The following SLC39A12 variants were observed in gnomAD, a reference collection of about 807,000 sequenced individuals.
SLC39A12 encodes the protein zinc transporter ZIP12.
Under a neutral mutation model 71.1 loss-of-function variants are expected in SLC39A12, and 63 were observed. The observed-to-expected ratio is 0.89, with a 90% confidence interval of 0.72 to 1.09. The LOEUF is 1.09. Among genes scored for constraint, SLC39A12 ranks in the 50% least tolerant of loss-of-function variants. The pLI, the probability that SLC39A12 is intolerant of heterozygous loss-of-function variation, is 0.00. For synonymous variants in SLC39A12, 351 were observed against 301.3 expected (o/e 1.16, Z -1.71); for missense variants, 892 against 812.6 (o/e 1.10, Z -1.19).
intron 5 of SLC39A12, among the ~76,000 whole-genome samples, chr10:17,979,835 G>T (rs1028057125): frequency 6.6e-6 from 1 of 152,132 alleles, no homozygotes; most frequent in African/African-American, 2.4e-5. Context: ...ACCATCTGTG[G>T]CTTTGCTGAA....
intron 12 of SLC39A12, among the ~76,000 whole-genome samples, chr10:18,017,180 T>C (rs554016472): frequency 1.3e-5 from 2 of 152,324 alleles, no homozygotes; most frequent in Non-Finnish European, 2.9e-5. Context: ...CTTTCATAGA[T>C]CATGTCTTTA....
chr10:17,992,620 T>C (rs1835583088), intron 8 of SLC39A12, among the ~76,000 whole-genome samples: 2 of 152,168 alleles, frequency 1.3e-5, no homozygotes, highest in African/African-American at 2.4e-5. Flanking sequence ...AAAACTAAAT[T>C]AGAAAGCCAA....
intron 12 of SLC39A12, among the ~76,000 whole-genome samples, chr10:18,006,848 A>T (rs1462748598): frequency 6.6e-6 from 1 of 152,200 alleles, no homozygotes. Context: ...AGCCCAGGGC[A>T]GGAGAAAGAG....
At chr10:17,966,629 G>A (rs1834831191) in intron 4 of SLC39A12, among the ~76,000 whole-genome samples, 1 of 151,834 alleles carries the variant, frequency 6.6e-6, no homozygotes, top group Non-Finnish European at 1.5e-5. Context: ...TTTTTTTAAA[G>A]CACCTCATTA....
At position 18,003,379 on chromosome 10, in the gene SLC39A12, A is replaced by G. The variant is rs200396714; in HGVS notation, c.1947+21A>G. On this transcript the variant is annotated intron_variant, in intron 12 of 12. Transcript: ENST00000377369. Reference sequence around the variant, plus strand: ...AAATGGTAAGCTTGGTGGCTTTTCTATTTGATTTTTCTAAGCACTGAAAAT... The same window carrying G: ...AAATGGTAAGCTTGGTGGCTTTTCTGTTTGATTTTTCTAAGCACTGAAAAT... 1.0e-4 allele frequency: 163 copies of G among 1,587,428 alleles called. 1 individual carries two copies. The African/African-American group carries it at 1.9e-3, about 18-fold the overall frequency.
At chr10:18,021,275 T>C (rs1836525530) in intron 12 of SLC39A12, among the ~76,000 whole-genome samples, 2 of 151,990 alleles carry the variant, frequency 1.3e-5, no homozygotes, top group South Asian at 4.1e-4. Flanking sequence ...CAGATCATTG[T>C]AAGTGTACAG....
intron 4 of SLC39A12, among the ~76,000 whole-genome samples, chr10:17,968,556 C>T (rs72778312): frequency 0.014 from 2,076 of 152,214 alleles, 21 homozygotes; most frequent in Non-Finnish European, 0.021. Context: ...TAAATTCTCT[C>T]ATTCATTGTT....
intron 12 of SLC39A12, among the ~76,000 whole-genome samples, chr10:18,009,394 C>T: frequency 6.6e-6 from 1 of 152,096 alleles, no homozygotes; most frequent in Admixed American, 6.5e-5. Context: ...AGCCCAGGTG[C>T]CCCCTCCAGG....
chr10:18,020,390 C>G (rs1347792836), intron 12 of SLC39A12, among the ~76,000 whole-genome samples: 1 of 151,972 alleles, frequency 6.6e-6, no homozygotes, highest in Non-Finnish European at 1.5e-5. Flanking sequence ...TAGGTTGATT[C>G]TATGTCTTTG....
At chr10:18,001,728 A>G (rs1835839403) in intron 11 of SLC39A12, 1 of 152,160 alleles carries the variant, frequency 6.6e-6, no homozygotes, top group Non-Finnish European at 1.5e-5. Context: ...AATGGAGTAC[A>G]TGCGATGTTT....
At chr10:18,018,293 A>T (rs978121605) in intron 12 of SLC39A12, among the ~76,000 whole-genome samples, 1 of 152,172 alleles carries the variant, frequency 6.6e-6, no homozygotes, top group Admixed American at 6.5e-5. Context: ...TGAATCTTTT[A>T]GATTTTCTTT....
chr10:18,015,476 GA>G (rs1030924115), intron 12 of SLC39A12, among the ~76,000 whole-genome samples: 3 of 151,878 alleles, frequency 2.0e-5, no homozygotes, highest in Non-Finnish European at 2.9e-5. Context: ...TCACATTTGG[GA>G]AAAAAATCTA....
Position 17,988,268 on chromosome 10 carries a change from A to C in SLC39A12, c.1269+617A>C, listed in dbSNP as rs566061085. On this transcript the variant is annotated intron_variant, in intron 7 of 12. Transcript: ENST00000377369. ...GGTTGCAGTGAGCAAAGATCGTACC[A>C]CTGCACTCCAGCATGGGTGACAGAG... Among the ~76,000 whole-genome samples, 4 of 152,332 alleles carry C rather than the reference A, an allele frequency of 2.6e-5. No individual in the cohort carries two copies. In the South Asian group the frequency reaches 6.2e-4, roughly 24 times the overall value.
intron 12 of SLC39A12, among the ~76,000 whole-genome samples, chr10:18,011,057 C>G (rs961760683): frequency 6.6e-6 from 1 of 151,978 alleles, no homozygotes; most frequent in African/African-American, 2.4e-5. Context: ...AAAGCCCAGG[C>G]GCCCCCTCCA....
chr10:18,003,169 A>T lies in SLC39A12; in HGVS notation c.1760-2A>T. On this transcript the variant is annotated splice_acceptor_variant, in intron 11 of 12. Transcript: ENST00000377369. LOFTEE classifies it high-confidence loss of function. ...ATATTTTCCTTTCCTCTTAAACTTC[A>T]GGAGACTTTGCCGTGCTCTTAAGCT... is the stretch of plus-strand genomic sequence containing the variant. 6.2e-7 allele frequency: 1 copy of T among 1,611,268 alleles called. No homozygotes were observed. The highest frequency in any genetic ancestry group is 1.7e-5 in the Admixed American group (1 of 59,312).
At chr10:18,002,935 C>G in intron 11 of SLC39A12, 1 of 423,850 alleles carries the variant, frequency 2.4e-6, no homozygotes, top group South Asian at 4.2e-5. Context: ...TCTGTAGATA[C>G]AATCTTTAGG....
chr10:17,976,266 T>C (rs1835107184), intron 4 of SLC39A12, among the ~76,000 whole-genome samples: 1 of 152,198 alleles, frequency 6.6e-6, no homozygotes, highest in African/African-American at 2.4e-5. Context: ...CTCCAGTTTT[T>C]TTCTGTAGCT....
chr10:18,041,961 A>G (rs763648827), intron 12 of SLC39A12, among the ~76,000 whole-genome samples: 3 of 151,126 alleles, frequency 2.0e-5, no homozygotes, highest in Non-Finnish European at 4.4e-5. Flanking sequence ...TGTTCTAAAG[A>G]TCAGGAGGAT....
intron 1 of SLC39A12, among the ~76,000 whole-genome samples, chr10:17,952,815 G>A (rs1218667412): frequency 6.6e-6 from 1 of 152,148 alleles, no homozygotes; most frequent in Non-Finnish European, 1.5e-5. Context: ...CATGATGTTG[G>A]TCATTTAGTA....
Sources: allele counts gnomAD v4.1 joint callset (sites outside exome capture counted in the v4.1 genomes callset), GRCh38; gene constraint gnomAD v4.1.1; transcripts MANE v1.5; gene names NCBI Gene and HGNC (gene_info 2026-07-23, HGNC 2026-07-21).